Variants in CACNA2D2 observed in about 807,000 individuals in gnomAD.
CACNA2D2 encodes the protein calcium voltage-gated channel auxiliary subunit alpha2delta 2.
Under a neutral mutation model 166.4 loss-of-function variants are expected in CACNA2D2, and 48 were observed. That is an observed-to-expected ratio of 0.29 (90% CI 0.23 to 0.37). The LOEUF is 0.37. Ranked by LOEUF, CACNA2D2 falls within the 10% of genes least tolerant of loss-of-function variation. The pLI is 1.00. For missense variants in CACNA2D2, 1,122 were observed against 1,433.0 expected (o/e 0.78, Z 3.50); for synonymous variants, 561 against 573.7 (o/e 0.98, Z 0.32).
At chr3:50,438,219 C>A (rs772499227) in intron 2 of CACNA2D2, among the ~76,000 whole-genome samples, 2 of 152,004 alleles carry the variant, frequency 1.3e-5, no homozygotes, top group African/African-American at 2.4e-5. Flanking sequence ...ATTCCTGGTT[C>A]CCCCCCTTGT....
intron 2 of CACNA2D2, among the ~76,000 whole-genome samples, chr3:50,462,255 G>T (rs1249832300): frequency 6.6e-6 from 1 of 151,964 alleles, no homozygotes; most frequent in Admixed American, 6.5e-5. Context: ...CAGGTGTGGT[G>T]GTGCGTGCCT....
intron 2 of CACNA2D2, among the ~76,000 whole-genome samples, chr3:50,459,584 T>C (rs1312567837): frequency 1.3e-5 from 2 of 152,130 alleles, no homozygotes; most frequent in East Asian, 1.9e-4. Context: ...GTCTAAAAAC[T>C]GTCCCCCAGC....
intron 1 of CACNA2D2, among the ~76,000 whole-genome samples, chr3:50,492,265 C>A (rs2107161929): frequency 6.6e-6 from 1 of 152,386 alleles, no homozygotes; most frequent in African/African-American, 2.4e-5. Context: ...TCTGGCCATC[C>A]TCTTAGCCCA....
Position 50,379,907 on chromosome 3 carries a change from G to A in CACNA2D2, c.893+61C>T. ...CCCATCCCCCAAGATGTTCAGGGCAGCAGAGTCTAGCCCATTGCCCGTCCC... is the reference window on the plus strand; with the variant it reads ...CCCATCCCCCAAGATGTTCAGGGCAACAGAGTCTAGCCCATTGCCCGTCCC... On this transcript the variant is annotated intron_variant, in intron 9 of 37. Transcript: ENST00000424201. The surrounding 1 kb of genome is among the most constrained non-coding windows in gnomAD (Gnocchi z 6.5). 6.2e-7 allele frequency: 1 copy of A among 1,611,906 alleles called. No individual in the cohort carries two copies. The highest frequency in any genetic ancestry group is 8.5e-7 in the Non-Finnish European group (1 of 1,178,188).
rs1441789609 is a variant in CACNA2D2, at chr3:50,503,599, C to G, written c.-176G>C. 6.0e-6 allele frequency: 1 copy of G among 165,344 alleles called. No individual in the cohort carries two copies. The highest frequency in any genetic ancestry group is 1.8e-4 in the South Asian group (1 of 5,562). The allele number at this position is 165,344 out of a possible 1,614,324, so 10.2% of individuals were successfully genotyped here. On this transcript the variant is annotated 5_prime_UTR_variant, in exon 1 of 38. Coordinates refer to ENST00000424201, the MANE Select transcript of CACNA2D2 (RefSeq NM_006030.4). ...CCGCAGCGCCTCTGCGGGCTGCGCG[C>G]TGCTATCTCCCTGCAGCGCTGGCTC... is the stretch of plus-strand genomic sequence containing the variant.
intron 4 of CACNA2D2, among the ~76,000 whole-genome samples, chr3:50,391,961 T>G (rs966666586): frequency 6.6e-6 from 1 of 151,586 alleles, no homozygotes; most frequent in African/African-American, 2.4e-5. Context: ...GAAAAGGGAG[T>G]CCTGGGCAGA....
At chr3:50,500,499 C>T (rs1698916694) in intron 1 of CACNA2D2, among the ~76,000 whole-genome samples, 1 of 151,992 alleles carries the variant, frequency 6.6e-6, no homozygotes. Flanking sequence ...AGAAGGGGGA[C>T]AGGGGAAGAG....
Position 50,367,342 on chromosome 3 carries a change from A to C in CACNA2D2, c.2401+52T>G. 1.3e-6 allele frequency: 2 copies of C among 1,512,808 alleles called. No individual in the cohort carries two copies. Among genetic ancestry groups the C allele is most frequent in the Non-Finnish European group, 1.8e-6 (2 of 1,091,410 alleles). 93.7% of individuals were successfully genotyped at this position (1,512,808 alleles called of 1,614,324 possible). A position where few individuals can be genotyped will look rare whatever the true frequency, so the allele number is the denominator to read the frequency against. On this transcript the variant is annotated intron_variant, in intron 27 of 37. Transcript: ENST00000424201. The surrounding 1 kb of genome is among the most constrained non-coding windows in gnomAD (Gnocchi z 6.5). The stretch of plus-strand genomic sequence containing the variant: ...AGAGCCCAGTTCTGGCTGAGCAGAC[A>C]GGGAAGCTGAGGCTCCCTGCCTGCT...
At chr3:50,436,422 C>T (rs1708322291) in intron 2 of CACNA2D2, among the ~76,000 whole-genome samples, 1 of 152,140 alleles carries the variant, frequency 6.6e-6, no homozygotes, top group South Asian at 2.1e-4. Context: ...AGTCCCTCCT[C>T]TTGGGCTCCA....
rs781660163 is a variant in CACNA2D2 at position 50,364,912 on chromosome 3, G to T, written c.3267C>A (p.His1089Gln). The stretch of plus-strand genomic sequence containing the variant: ...CTGTCGCGTTGTAGTCGAAGCAGAT[G>T]TGCGGGCCTCTCCGGTATCGCGGTC... Reference protein sequence around the residue: ...VQRPRYRRGPHICFDYNATED... With the variant: ...VQRPRYRRGPQICFDYNATED... The change falls in exon 37 of 38, where the codon CAC (histidine) becomes CAA (glutamine). Residue 1089 changes from histidine (H) to glutamine (Q), a missense_variant. His to Gln is a conservative substitution (Grantham distance 24). Around this residue, in one of 2 missense-constraint regions of CACNA2D2, gnomAD observed 282 missense variants for 266.2 expected, o/e 1.06. Transcript: ENST00000424201. 205 of 1,613,302 alleles carry T rather than the reference G, an allele frequency of 1.3e-4. No homozygotes were observed. Among genetic ancestry groups the T allele is most frequent in the Non-Finnish European group, 1.5e-4 (181 of 1,179,912 alleles).
In CACNA2D2 at chr3:50,364,729, G is replaced by C. The variant is rs77176698; in HGVS notation, c.3369C>G (p.Leu1123=). The C allele has an allele frequency of 3.9e-6, 6 of 1,556,746 alleles. No homozygotes were observed. In the East Asian group the frequency reaches 7.3e-5, roughly 19 times the overall value. ...LGVLVSLQLL[L]LLGLPPRPQP... ...GCGGCCGGGGCGGCAGGCCCAGGAGGAGCAGCAGTTGCAGGGAGACCAGGA... is the reference window on the plus strand; with the variant it reads ...GCGGCCGGGGCGGCAGGCCCAGGAGCAGCAGCAGTTGCAGGGAGACCAGGA... Residue 1123 remains leucine, a synonymous_variant, in exon 38 of 38, where the codon CTC becomes CTG. Coordinates refer to ENST00000424201, the MANE Select transcript of CACNA2D2 (RefSeq NM_006030.4).
chr3:50,478,100 T>C (rs557066443), intron 1 of CACNA2D2, among the ~76,000 whole-genome samples: 7 of 151,672 alleles, frequency 4.6e-5, no homozygotes, highest in East Asian at 1.9e-4. Flanking sequence ...CTTCGGCTTG[T>C]TGCTGGCTGA....
intron 1 of CACNA2D2, among the ~76,000 whole-genome samples, chr3:50,502,947 A>G (rs1699042764): frequency 6.6e-6 from 1 of 151,168 alleles, no homozygotes; most frequent in Non-Finnish European, 1.5e-5. Context: ...CCCCCCCCCA[A>G]CTCCTCCCGG....
chr3:50,489,616 ACTGGGGCTGGGGCTGGGG>A (rs57886892), intron 1 of CACNA2D2, among the ~76,000 whole-genome samples: 12 of 135,672 alleles, frequency 8.8e-5, no homozygotes, highest in Admixed American at 5.8e-4. Context: ...AGCCTCCAAA[ACTGGGGCTGGGGCTGGGG>A]CTGGGGCTGG....
At chr3:50,420,144 A>G (rs1707478413) in intron 3 of CACNA2D2, among the ~76,000 whole-genome samples, 2 of 152,268 alleles carry the variant, frequency 1.3e-5, no homozygotes, top group Admixed American at 1.3e-4. Context: ...TTTTTAATTA[A>G]AAGTTAAAGA....
chr3:50,437,840 G>A (rs1708417391), intron 2 of CACNA2D2, among the ~76,000 whole-genome samples: 2 of 152,210 alleles, frequency 1.3e-5, no homozygotes, highest in African/African-American at 4.8e-5. Flanking sequence ...AGGCCAGGGT[G>A]CACCGGATGC....
In CACNA2D2 at chr3:50,375,826, C is replaced by T. The variant is rs1559885831; in HGVS notation, c.1828G>A (p.Val610Ile). Residue 610 changes from valine (V) to isoleucine (I), a missense_variant, in exon 20 of 38, where the codon GTC (valine) becomes ATC (isoleucine). Coordinates refer to ENST00000424201, the MANE Select transcript of CACNA2D2 (RefSeq NM_006030.4). The surrounding 1 kb of genome is among the most constrained non-coding windows in gnomAD (Gnocchi z 4.0). ...CTCCTTACCTCATCCAGGGACTTGA[C>T]CAACGTTCTGATCTGCTTGTGGCCC... ...NKGHKQIRTL[V>I]KSLDERYIDE... 1.2e-6 allele frequency: 2 copies of T among 1,613,050 alleles called. No homozygotes were observed. The highest frequency in any genetic ancestry group is 1.7e-6 in the Non-Finnish European group (2 of 1,180,004).
intron 2 of CACNA2D2, among the ~76,000 whole-genome samples, chr3:50,453,485 T>C (rs1240615467): frequency 2.0e-5 from 3 of 152,174 alleles, no homozygotes; most frequent in Non-Finnish European, 4.4e-5. Context: ...TGGCTGGACT[T>C]CCAGGCCCCC....
chr3:50,426,304 GC>G (rs1707805901), intron 3 of CACNA2D2, among the ~76,000 whole-genome samples: 1 of 152,140 alleles, frequency 6.6e-6, no homozygotes, highest in Non-Finnish European at 1.5e-5. Flanking sequence ...GCAGAGGTTT[GC>G]TGAATGACTG....
Sources: gnomAD v4.1 joint callset for allele counts (sites outside exome capture counted in the v4.1 genomes callset) on GRCh38, gnomAD v4.1.1 for gene constraint, gnomAD v4.1.1 regional missense constraint, Gnocchi (gnomAD v3.1) non-coding constraint, MANE v1.5 for transcripts, NCBI Gene and HGNC (gene_info 2026-07-23, HGNC 2026-07-21) for gene names.